The following ANKRD28 variants were observed in gnomAD, a reference collection of about 807,000 sequenced individuals.
ANKRD28 encodes serine/threonine-protein phosphatase 6 regulatory ankyrin repeat subunit A.
Under a neutral mutation model 126.5 loss-of-function variants are expected in ANKRD28, and 44 were observed. That is an observed-to-expected ratio of 0.35 (90% CI 0.27 to 0.45). The LOEUF is 0.45. Among genes scored for constraint, ANKRD28 ranks in the 20% least tolerant of loss-of-function variants. The pLI is 1.00. For missense variants in ANKRD28, 1,110 were observed against 1,316.6 expected (o/e 0.84, Z 2.43); for synonymous variants, 442 against 468.5 (o/e 0.94, Z 0.73).
In ANKRD28 at chr3:15,695,266, A is replaced by G. The variant is rs372742285; in HGVS notation, c.1660-52T>C. On this transcript the variant is annotated intron_variant, in intron 15 of 27. Transcript: ENST00000683139. ...TTTAGCTTGGGAAGTATTCATCTAT[A>G]TTAAGTCTCAACTTATATAGAGCTT... The G allele has an allele frequency of 2.4e-5, 32 of 1,341,066 alleles. No homozygotes were observed. In the African/African-American group the frequency reaches 4.0e-4, roughly 17 times the overall value. 83.1% of individuals were successfully genotyped at this position (1,341,066 alleles called of 1,614,324 possible). A position where few individuals can be genotyped will look rare whatever the true frequency, so the allele number is the denominator to read the frequency against.
intron 8 of ANKRD28, among the ~76,000 whole-genome samples, chr3:15,715,994 C>CA (rs2072970666): frequency 1.4e-5 from 2 of 142,712 alleles, no homozygotes; most frequent in Non-Finnish European, 3.1e-5. Flanking sequence ...TTTTTTCTCT[C>CA]TTTTTTTTTT....
At chr3:15,806,532 T>A (rs1444855545) in intron 1 of ANKRD28, among the ~76,000 whole-genome samples, 11 of 152,232 alleles carry the variant, frequency 7.2e-5, no homozygotes, top group African/African-American at 2.6e-4. Context: ...ACATCTTTTT[T>A]TTTTTTTGAG....
exon 1 of ANKRD28, chr3:15,859,449 T>A (rs2061857317): frequency 2.7e-6 from 4 of 1,465,900 alleles, no homozygotes; most frequent in Non-Finnish European, 3.6e-6. Flanking sequence ...CCTCCGCCGC[T>A]GCCGCTGCCG....
In ANKRD28 at chr3:15,796,856, T is replaced by C. The variant is rs2060299714; in HGVS notation, c.-335A>G. On this transcript the variant is annotated 5_prime_UTR_variant, in exon 1 of 28. Coordinates refer to ENST00000683139, the MANE Select transcript of ANKRD28 (RefSeq NM_001349278.2). ...TTTTCCTCTACCAAAATAGTCTTATTGCTCTATCTCTGAAATTTACTTGCA... is the reference window on the plus strand; with the variant it reads ...TTTTCCTCTACCAAAATAGTCTTATCGCTCTATCTCTGAAATTTACTTGCA... 1.0e-6 allele frequency: 1 copy of C among 988,580 alleles called. No individual in the cohort carries two copies. Among genetic ancestry groups the C allele is most frequent in the Non-Finnish European group, 1.2e-6 (1 of 831,906 alleles). 61.2% of individuals were successfully genotyped at this position (988,580 alleles called of 1,614,324 possible).
chr3:15,816,321 T>C lies in ANKRD28; in HGVS notation c.28-21015A>G, dbSNP rs962548270. On this transcript the variant is annotated intron_variant, in intron 1 of 27. Transcript: ENST00000399451. This position sits in a 1 kb window ranked among gnomAD's most constrained non-coding sequence, Gnocchi z 5.0. ...TGTTAATAACTATTTATATGCTAAA[T>C]GCACGGAATATAGCAGTAAACACAA... is the stretch of plus-strand genomic sequence containing the variant. 6.6e-6 allele frequency among the ~76,000 whole-genome samples: 1 copy of C among 152,224 alleles called. No homozygotes were observed. Among genetic ancestry groups the C allele is most frequent in the African/African-American group, 2.4e-5 (1 of 41,458 alleles).
chr3:15,820,980 C>T (rs1399398281), intron 1 of ANKRD28, among the ~76,000 whole-genome samples: 1 of 152,130 alleles, frequency 6.6e-6, no homozygotes, highest in Non-Finnish European at 1.5e-5. Context: ...AAATCCACAT[C>T]AGGGTTTCTC....
exon 1 of ANKRD28, chr3:15,859,450 G>A (rs1372350510): frequency 1.4e-6 from 2 of 1,475,038 alleles, no homozygotes; most frequent in Non-Finnish European, 1.8e-6. Flanking sequence ...CTCCGCCGCT[G>A]CCGCTGCCGC....
chr3:15,840,606 C>T (rs910342469), intron 1 of ANKRD28, among the ~76,000 whole-genome samples: 3 of 152,064 alleles, frequency 2.0e-5, no homozygotes, highest in Admixed American at 2.0e-4. Context: ...GCAAAAAGAA[C>T]AAACTGGAGG....
chr3:15,739,106 G>A (rs576680709), intron 4 of ANKRD28, among the ~76,000 whole-genome samples: 11 of 152,090 alleles, frequency 7.2e-5, no homozygotes, highest in East Asian at 1.9e-4. Flanking sequence ...TAAGGTGCCC[G>A]GATTTCATAT....
intron 2 of ANKRD28, among the ~76,000 whole-genome samples, chr3:15,769,080 T>C (rs1447089432): frequency 6.6e-6 from 1 of 152,228 alleles, no homozygotes; most frequent in Non-Finnish European, 1.5e-5. Flanking sequence ...TGTTTAAATA[T>C]GATCAGATTT....
At chr3:15,706,327 G>A (rs1267636786) in intron 14 of ANKRD28, among the ~76,000 whole-genome samples, 1 of 151,916 alleles carries the variant, frequency 6.6e-6, no homozygotes, top group Non-Finnish European at 1.5e-5. Context: ...ACCTATGAGT[G>A]AGAACATGTG....
intron 2 of ANKRD28, among the ~76,000 whole-genome samples, chr3:15,771,740 G>T (rs77467265): frequency 0.042 from 6,317 of 152,122 alleles, 456 homozygotes; most frequent in African/African-American, 0.14. Context: ...ACATCCAAAC[G>T]ATATCATTTA....
At chr3:15,842,307 G>A (rs1027656544) in intron 1 of ANKRD28, among the ~76,000 whole-genome samples, 9 of 151,976 alleles carry the variant, frequency 5.9e-5, no homozygotes, top group African/African-American at 2.2e-4. Context: ...GGCACAAAAA[G>A]ACAAAGTTTG....
At chr3:15,828,234 A>G (rs1252239546) in intron 1 of ANKRD28, among the ~76,000 whole-genome samples, 4 of 152,294 alleles carry the variant, frequency 2.6e-5, no homozygotes, top group African/African-American at 4.8e-5. Context: ...GGAATGGTAA[A>G]TAAGTTATTT....
chr3:15,743,703 T>C (rs2057283332), intron 4 of ANKRD28, among the ~76,000 whole-genome samples: 1 of 152,074 alleles, frequency 6.6e-6, no homozygotes, highest in Non-Finnish European at 1.5e-5. Context: ...AGAATGACAG[T>C]CATAAATCAT....
In ANKRD28 at chr3:15,815,621, A is replaced by C. The variant is rs927709746; in HGVS notation, c.28-20315T>G. ...CACACACTTCTTATTGTTCTGAAAG[A>C]ATCGTCATCAATGCTATGACAAAGA... On this transcript the variant is annotated intron_variant, in intron 1 of 27. Coordinates refer to the ANKRD28 transcript ENST00000399451. The surrounding 1 kb of genome is among the most constrained non-coding windows in gnomAD (Gnocchi z 4.1). Among the ~76,000 whole-genome samples, 1 of 152,184 alleles carries C rather than the reference A, an allele frequency of 6.6e-6. No homozygotes were observed. The highest frequency in any genetic ancestry group is 1.5e-5 in the Non-Finnish European group (1 of 68,020).
At chr3:15,737,312 G>A (rs77561154) in intron 4 of ANKRD28, 79 bp from the exon 5 acceptor site, 75 of 1,214,910 alleles carry the variant, frequency 6.2e-5, no homozygotes, top group Middle Eastern at 2.4e-4. Context: ...GTGCGTGTGT[G>A]TGTATAAATA....
intron 6 of ANKRD28, 26 bp downstream of exon 6, chr3:15,735,383 CA>C: frequency 6.7e-7 from 1 of 1,495,688 alleles, no homozygotes. Context: ...TATATAATAT[CA>C]AAAACTAAAT....
chr3:15,674,174 CAAAAAAAAA>C (rs34806568), intron 27 of ANKRD28, among the ~76,000 whole-genome samples: 6 of 40,288 alleles, frequency 1.5e-4, no homozygotes, highest in African/African-American at 2.2e-4. Flanking sequence ...CCTGCCTCTT[CAAAAAAAAA>C]AAAAAAAAAA....
Sources: gnomAD v4.1 joint callset for allele counts (sites outside exome capture counted in the v4.1 genomes callset) on GRCh38, gnomAD v4.1.1 for gene constraint, Gnocchi (gnomAD v3.1) non-coding constraint, MANE v1.5 for transcripts, NCBI Gene and HGNC (gene_info 2026-07-23, HGNC 2026-07-21) for gene names.